KIAA0319: variants seen among roughly 807,000 people sequenced by gnomAD.
The protein encoded by KIAA0319 is dyslexia-associated protein KIAA0319.
In KIAA0319, 83 loss-of-function variants were observed where a neutral mutation model predicts 108.4. That is an observed-to-expected ratio of 0.77 (90% CI 0.64 to 0.92). KIAA0319 has a LOEUF of 0.92. Ranked by LOEUF, KIAA0319 falls within the 40% of genes least tolerant of loss-of-function variation. The pLI is 0.00. For missense variants in KIAA0319, 1,195 were observed against 1,322.4 expected (o/e 0.90, Z 1.49); for synonymous variants, 484 against 510.4 (o/e 0.95, Z 0.70).
chr6:24,630,257 C>T (rs184521884), intron 1 of KIAA0319, among the ~76,000 whole-genome samples: 346 of 151,322 alleles, frequency 2.3e-3, no homozygotes, highest in African/African-American at 7.9e-3. Context: ...ACCTGTAATC[C>T]CAGCACTTTG....
At chr6:24,609,273 C>CAAAAAAA (rs886616830) in intron 1 of KIAA0319, among the ~76,000 whole-genome samples, 3 of 74,824 alleles carry the variant, frequency 4.0e-5, no homozygotes, top group Non-Finnish European at 5.6e-5. Flanking sequence ...GTCTCAAAAA[C>CAAAAAAA]AAAAAAAAAA....
intron 2 of KIAA0319, among the ~76,000 whole-genome samples, chr6:24,598,759 C>G (rs753939470): frequency 1.3e-5 from 2 of 151,970 alleles, no homozygotes; most frequent in Non-Finnish European, 2.9e-5. Context: ...GCCTGTAATT[C>G]CAGCTACTCG....
chr6:24,572,723 A>AAAAAC (rs1561963953), intron 10 of KIAA0319, 25 bp from the exon 11 acceptor site: 12 of 1,581,096 alleles, frequency 7.6e-6, no homozygotes, highest in African/African-American at 1.4e-5. Flanking sequence ...ATACAAAAAT[A>AAAAAC]AAAACAAAAC....
At position 24,576,247 on chromosome 6, in the gene KIAA0319, G is replaced by A. The variant is rs1049012542; in HGVS notation, c.1734+121C>T. The A allele has an allele frequency of 2.2e-5, 17 of 779,178 alleles. No homozygotes were observed. The Admixed American group carries it at 2.4e-4, about 11-fold the overall frequency. 48.3% of individuals were successfully genotyped at this position (779,178 alleles called of 1,614,324 possible). On this transcript the variant is annotated intron_variant, in intron 10 of 20. Coordinates refer to ENST00000378214, the MANE Select transcript of KIAA0319 (RefSeq NM_014809.4). ...AGGTCCTTTTCTAATAGTTGTAATA[G>A]ATCAGATAACTTTACAAAATAAATT...
At chr6:24,581,674 C>G (rs1039911571) in intron 6 of KIAA0319, among the ~76,000 whole-genome samples, 1 of 152,172 alleles carries the variant, frequency 6.6e-6, no homozygotes, top group African/African-American at 2.4e-5. Context: ...AGAGTTACAA[C>G]AGGTTTTTAA....
chr6:24,629,359 C>CA (rs1775182600), intron 1 of KIAA0319, among the ~76,000 whole-genome samples: 1 of 151,558 alleles, frequency 6.6e-6, no homozygotes, highest in Non-Finnish European at 1.5e-5. Flanking sequence ...ACTAAAAATA[C>CA]AAAAAATTAG....
At chr6:24,569,788 A>T in intron 12 of KIAA0319, 115 bp downstream of exon 12, 1 of 1,267,796 alleles carries the variant, frequency 7.9e-7, no homozygotes, top group Non-Finnish European at 1.1e-6. Context: ...AAACGTGCTT[A>T]AATCCCGACT....
At position 24,596,444 on chromosome 6, in the gene KIAA0319, C is replaced by T. The variant is rs1342545175; in HGVS notation, c.230G>A (p.Cys77Tyr). The T allele has an allele frequency of 6.2e-7, 1 of 1,614,200 alleles. No individual in the cohort carries two copies. The highest frequency in any genetic ancestry group is 8.5e-7 in the Non-Finnish European group (1 of 1,180,032). The change falls in exon 3 of 21, where the codon TGC becomes TAC. Residue 77 changes from cysteine to tyrosine, a missense_variant. Physicochemically the swap from Cys to Tyr is radical, Grantham distance 194. Coordinates refer to ENST00000378214, the MANE Select transcript of KIAA0319 (RefSeq NM_014809.4). ...TTTGTGGGGGCAGCTCACCAGGTAGCAGCGGCCCTCGAACCACCAGGCCAG... is the reference window on the plus strand; with the variant it reads ...TTTGTGGGGGCAGCTCACCAGGTAGTAGCGGCCCTCGAACCACCAGGCCAG... The part of the protein sequence containing the change: ...CDLAWWFEGR[C>Y]YLVSCPHKEN...
chr6:24,577,603 G>C (rs1055176228), intron 9 of KIAA0319, among the ~76,000 whole-genome samples: 1 of 152,186 alleles, frequency 6.6e-6, no homozygotes, highest in Non-Finnish European at 1.5e-5. Flanking sequence ...CAATGAAGCT[G>C]TGGCAAGAAT....
intron 17 of KIAA0319, among the ~76,000 whole-genome samples, chr6:24,558,088 C>CAATA (rs1762544112): frequency 6.6e-6 from 1 of 150,582 alleles, no homozygotes. Flanking sequence ...AAATTTTGTA[C>CAATA]AATAAATAAA....
At chr6:24,606,095 T>C (rs1277475576) in intron 1 of KIAA0319, among the ~76,000 whole-genome samples, 1 of 152,088 alleles carries the variant, frequency 6.6e-6, no homozygotes, top group Non-Finnish European at 1.5e-5. Flanking sequence ...CCACCATGCC[T>C]GGCTAACTTT....
chr6:24,583,218 C>T lies in KIAA0319; in HGVS notation c.1093+386G>A, dbSNP rs796695095. 28 of 990,780 alleles carry T rather than the reference C, an allele frequency of 2.8e-5. 1 individual carries two copies. In the African/African-American group the frequency reaches 4.9e-4, roughly 17 times the overall value. 61.4% of individuals were successfully genotyped at this position (990,780 alleles called of 1,614,324 possible). ...ACCTGAGAGCCGTGATTGTCAATGC[C>T]ACAGTATCTGCAAACAAACCTATGG... On this transcript the variant is annotated intron_variant, in intron 5 of 20. Coordinates refer to ENST00000378214, the MANE Select transcript of KIAA0319 (RefSeq NM_014809.4).
At chr6:24,583,728 T>C (rs747095464) in intron 4 of KIAA0319, 26 bp from the exon 5 acceptor site, 4 of 1,357,532 alleles carry the variant, frequency 2.9e-6, no homozygotes, top group Non-Finnish European at 2.1e-6. Flanking sequence ...AAATAATACG[T>C]GCAATTATAT....
Position 24,570,480 on chromosome 6 carries a change from C to T in KIAA0319, c.1859-445G>A, listed in dbSNP as rs570010117. On this transcript the variant is annotated intron_variant, in intron 11 of 20. Coordinates refer to ENST00000378214, the MANE Select transcript of KIAA0319 (RefSeq NM_014809.4). The stretch of plus-strand genomic sequence containing the variant: ...GCAGGCGCCTGTAGTCCCAGCCACT[C>T]GGGAGGCTGAGGCAGGAGAATGGCA... Among the ~76,000 whole-genome samples, 18 of 151,672 alleles carry T rather than the reference C, an allele frequency of 1.2e-4. 1 individual carries two copies. In the East Asian group the frequency reaches 2.7e-3, roughly 23 times the overall value.
chr6:24,613,528 C>T (rs1346326775), intron 1 of KIAA0319, among the ~76,000 whole-genome samples: 1 of 152,144 alleles, frequency 6.6e-6, no homozygotes, highest in Admixed American at 6.5e-5. Flanking sequence ...AAAGAGCTGA[C>T]ATTTACACTT....
chr6:24,591,591 CCT>C (rs1256706609), intron 3 of KIAA0319, among the ~76,000 whole-genome samples: 2 of 152,144 alleles, frequency 1.3e-5, no homozygotes, highest in African/African-American at 4.8e-5. Context: ...GGAACAAGAC[CCT>C]GTCTCTCAAA....
intron 4 of KIAA0319, among the ~76,000 whole-genome samples, chr6:24,584,679 A>G (rs1465145161): frequency 6.6e-6 from 1 of 152,224 alleles, no homozygotes; most frequent in Non-Finnish European, 1.5e-5. Context: ...CTATCATGTT[A>G]TAGGTGGGGA....
At chr6:24,573,867 A>C (rs1239708244) in intron 10 of KIAA0319, among the ~76,000 whole-genome samples, 1 of 152,192 alleles carries the variant, frequency 6.6e-6, no homozygotes, top group African/African-American at 2.4e-5. Context: ...CTGTAACCCC[A>C]GCACTTTGGG....
intron 8 of KIAA0319, among the ~76,000 whole-genome samples, chr6:24,579,476 TTATA>T (rs972766042): frequency 4.1e-5 from 6 of 145,240 alleles, no homozygotes; most frequent in African/African-American, 1.5e-4. Context: ...TATATATATC[TTATA>T]TATCTCATAT....
Sources: allele counts gnomAD v4.1 joint callset (sites outside exome capture counted in the v4.1 genomes callset), GRCh38; gene constraint gnomAD v4.1.1; transcripts MANE v1.5; gene names NCBI Gene and HGNC (gene_info 2026-07-23, HGNC 2026-07-21).